COL21A1: variants seen among roughly 807,000 people sequenced by gnomAD.
The protein encoded by COL21A1 is collagen alpha-1(XXI) chain.
In COL21A1, 149 loss-of-function variants were observed where a neutral mutation model predicts 137.9. The observed-to-expected ratio is 1.08, with a 90% CI of 0.95 to 1.24. COL21A1 has a LOEUF of 1.24. Among genes scored for constraint, COL21A1 ranks in the 50% most tolerant of loss-of-function variants. COL21A1 has a pLI of 0.00. For missense variants in COL21A1, 1,167 were observed against 1,158.4 expected (o/e 1.01, Z -0.11); for synonymous variants, 456 against 391.5 (o/e 1.16, Z -1.95).
At position 56,267,163 on chromosome 6, in the gene COL21A1, A is replaced by G. The variant is rs533449766; in HGVS notation, c.-38-84507T>C. On this transcript the variant is annotated intron_variant, in intron 1 of 28. Coordinates refer to the COL21A1 transcript ENST00000370819. ...CATGAAAGTTGTAAGTTGACATTCAATATGATAATAATAATAGTCAACATA... is the reference window on the plus strand; with the variant it reads ...CATGAAAGTTGTAAGTTGACATTCAGTATGATAATAATAATAGTCAACATA... Among the ~76,000 whole-genome samples the G allele has an allele frequency of 2.0e-5, 3 of 152,318 alleles. No individual in the cohort carries two copies. The East Asian group carries it at 5.8e-4, about 29-fold the overall frequency.
At chr6:56,226,916 T>A (rs3846925) in intron 1 of COL21A1, among the ~76,000 whole-genome samples, 95,716 of 151,724 alleles carry the variant, frequency 0.63, 30,510 homozygotes, top group East Asian at 0.86. Context: ...TAGATAAGAT[T>A]CCCATCTCTG....
intron 10 of COL21A1, among the ~76,000 whole-genome samples, chr6:56,148,638 G>A (rs1775039030): frequency 6.6e-6 from 1 of 152,004 alleles, no homozygotes; most frequent in South Asian, 2.1e-4. Flanking sequence ...ACCATGTTCA[G>A]TTAAGGGTCT....
rs577875487 is a variant in COL21A1 at position 56,291,370 on chromosome 6, A to G, written c.-39+102601T>C. 5.3e-5 allele frequency among the ~76,000 whole-genome samples: 8 copies of G among 152,348 alleles called. No homozygotes were observed. The South Asian group carries it at 1.7e-3, about 32-fold the overall frequency. On this transcript the variant is annotated intron_variant, in intron 1 of 28. Transcript: ENST00000370819. ...TTGAGAGCACTGGAAAAAAAACTGC[A>G]AACTGGAAGCTGCTACCACAGAAAG...
At chr6:56,300,312 A>G (rs995611261) in intron 1 of COL21A1, among the ~76,000 whole-genome samples, 2 of 152,134 alleles carry the variant, frequency 1.3e-5, no homozygotes, top group Non-Finnish European at 2.9e-5. Flanking sequence ...CAAGGCAGTC[A>G]TGGGATGATA....
intron 1 of COL21A1, among the ~76,000 whole-genome samples, chr6:56,246,517 G>C (rs1291724099): frequency 6.6e-6 from 1 of 151,536 alleles, no homozygotes; most frequent in South Asian, 2.1e-4. Flanking sequence ...AATAACTAAG[G>C]TTCTTCTGAA....
intron 3 of COL21A1, among the ~76,000 whole-genome samples, chr6:56,177,896 T>C (rs1388992174): frequency 1.3e-5 from 2 of 151,916 alleles, no homozygotes; most frequent in South Asian, 4.1e-4. Context: ...GCAACAGATA[T>C]GTGAACTGAT....
intron 16 of COL21A1, among the ~76,000 whole-genome samples, chr6:56,118,141 G>GT (rs1459249911): frequency 1.0e-3 from 1 of 984 alleles, no homozygotes; most frequent in African/African-American, 5.7e-3. Flanking sequence ...GAAACAAAAA[G>GT]TTGTTTTTTT....
intron 18 of COL21A1, among the ~76,000 whole-genome samples, chr6:56,076,881 A>G (rs1767288394): frequency 6.6e-6 from 1 of 151,526 alleles, no homozygotes; most frequent in Non-Finnish European, 1.5e-5. Context: ...AAGCAAACTG[A>G]ATTCCCAGCA....
At chr6:56,269,528 G>A (rs933528673) in intron 1 of COL21A1, among the ~76,000 whole-genome samples, 11 of 150,504 alleles carry the variant, frequency 7.3e-5, no homozygotes, top group East Asian at 2.0e-4. Context: ...AGTGGCGGGC[G>A]CCTGTAGTCC....
intron 17 of COL21A1, among the ~76,000 whole-genome samples, chr6:56,090,845 G>A (rs1768741004): frequency 6.6e-6 from 1 of 151,676 alleles, no homozygotes; most frequent in African/African-American, 2.4e-5. Flanking sequence ...ATTTGTAATA[G>A]CAGATATATG....
intron 1 of COL21A1, among the ~76,000 whole-genome samples, chr6:56,260,911 C>T (rs1448591573): frequency 9.3e-6 from 1 of 107,496 alleles, no homozygotes; most frequent in Non-Finnish European, 1.9e-5. Context: ...ATAGCTATAC[C>T]TATACATTTA....
In COL21A1 at chr6:56,221,967, A is replaced by G. The variant is rs1203367297; in HGVS notation, c.-39+25420T>C. ...TTTATTCTTTGGCCATGAACTATAG[A>G]GTCCATTTAAAATTGAAAGTGTTGG... On this transcript the variant is annotated intron_variant, in intron 1 of 29. Transcript: ENST00000244728. 5.3e-5 allele frequency among the ~76,000 whole-genome samples: 8 copies of G among 152,090 alleles called. No homozygotes were observed. In the East Asian group the frequency reaches 9.7e-4, roughly 18 times the overall value.
At chr6:56,306,990 C>T (rs1764477154) in intron 1 of COL21A1, among the ~76,000 whole-genome samples, 1 of 152,212 alleles carries the variant, frequency 6.6e-6, no homozygotes, top group Admixed American at 6.5e-5. Flanking sequence ...GAGGTCCACT[C>T]CACACCCTGT....
intron 1 of COL21A1, among the ~76,000 whole-genome samples, chr6:56,211,207 ATATATG>A (rs1226616073): frequency 6.3e-4 from 13 of 20,540 alleles, no homozygotes; most frequent in African/African-American, 2.4e-3. Flanking sequence ...ATATATACAT[ATATATG>A]TATATGTATA....
At chr6:56,114,210 A>G (rs555947803) in intron 16 of COL21A1, among the ~76,000 whole-genome samples, 132 of 152,266 alleles carry the variant, frequency 8.7e-4, no homozygotes, top group Non-Finnish European at 1.6e-3. Context: ...TAGGGCCTTG[A>G]ACGAACATAG....
Position 56,057,418 on chromosome 6 carries a change from GACTTT to G in COL21A1, c.*234_*238del. ...TATTCAACTTTGATTAACATAAATG[GACTTT>G]ACAAGAAACCCTTGAGATTTAATTA... On this transcript the variant is annotated 3_prime_UTR_variant, in exon 30 of 30. Coordinates refer to ENST00000244728, the MANE Select transcript of COL21A1 (RefSeq NM_030820.4). 6.3e-6 allele frequency: 3 copies of G among 474,152 alleles called. No individual in the cohort carries two copies. Among genetic ancestry groups the G allele is most frequent in the Non-Finnish European group, 3.7e-6 (1 of 272,114 alleles). The allele number at this position is 474,152 out of a possible 1,614,324, so 29.4% of individuals were successfully genotyped here. A position where few individuals can be genotyped will look rare whatever the true frequency, so the allele number is the denominator to read the frequency against.
At chr6:56,059,067 A>G (rs1055554091) in intron 29 of COL21A1, 98 bp downstream of exon 29, 131 of 896,040 alleles carry the variant, frequency 1.5e-4, no homozygotes, top group Non-Finnish European at 2.1e-4. Context: ...AAAAAAGAAA[A>G]CAGATGTCTC....
intron 1 of COL21A1, among the ~76,000 whole-genome samples, chr6:56,309,775 T>C (rs1198059153): frequency 1.3e-5 from 2 of 152,236 alleles, no homozygotes; most frequent in Non-Finnish European, 2.9e-5. Context: ...TATAAGCCTA[T>C]AAATGCATGC....
chr6:56,116,576 G>A (rs1771950342), intron 16 of COL21A1, among the ~76,000 whole-genome samples: 1 of 151,612 alleles, frequency 6.6e-6, no homozygotes, highest in South Asian at 2.1e-4. Flanking sequence ...AGAAAGAAAA[G>A]AACATTAATG....
Sources: gnomAD v4.1 joint callset for allele counts (sites outside exome capture counted in the v4.1 genomes callset) on GRCh38, gnomAD v4.1.1 for gene constraint, MANE v1.5 for transcripts, NCBI Gene and HGNC (gene_info 2026-07-23, HGNC 2026-07-21) for gene names.